Variants in GALM observed in about 807,000 individuals in gnomAD.
GALM encodes the protein aldose 1-epimerase.
GALM carries 43 observed loss-of-function variants against 37.4 expected under a neutral mutation model. That is an observed-to-expected ratio of 1.15 (90% CI 0.90 to 1.48). The LOEUF is 1.48. GALM is among the 40% of genes most tolerant of loss of function. The probability of loss-of-function intolerance (pLI) is 0.00; values close to 1 mark genes in which losing one functional copy is unlikely to be tolerated. For synonymous variants in GALM, 199 were observed against 170.6 expected, an observed-to-expected ratio of 1.17 and a Z score of -1.30; for missense variants, 456 against 419.1, an observed-to-expected ratio of 1.09 and a Z score of -0.77.
chr2:38,686,229 T>C (rs867440625), intron 3 of GALM, among the ~76,000 whole-genome samples: 1,119 of 18,264 alleles, frequency 0.061, 30 homozygotes, highest in East Asian at 0.17. Context: ...AATTTCTTTC[T>C]TTCTTTCTTT....
chr2:38,716,965 A>G (rs1489602310), intron 4 of GALM, among the ~76,000 whole-genome samples: 2 of 152,128 alleles, frequency 1.3e-5, no homozygotes, highest in Admixed American at 1.3e-4. Context: ...GATTTACGCT[A>G]TGGGGCCGGG....
At chr2:38,714,085 A>G (rs1666222400) in intron 4 of GALM, among the ~76,000 whole-genome samples, 1 of 152,212 alleles carries the variant, frequency 6.6e-6, no homozygotes, top group Non-Finnish European at 1.5e-5. Context: ...TGTAAGTATT[A>G]ACTATTATTA....
At chr2:38,732,736 C>G (rs1175129619) in intron 6 of GALM, among the ~76,000 whole-genome samples, 1 of 151,580 alleles carries the variant, frequency 6.6e-6, no homozygotes. Context: ...CTGGGCAACA[C>G]AGGGAGACCC....
chr2:38,711,810 C>T (rs796193382), intron 4 of GALM, among the ~76,000 whole-genome samples: 4 of 147,158 alleles, frequency 2.7e-5, no homozygotes, highest in Non-Finnish European at 3.0e-5. Context: ...CCATCACCAT[C>T]ATCATCATCA....
chr2:38,729,435 CA>C (rs1666553679), intron 4 of GALM, 120 bp from the exon 5 acceptor site: 1 of 671,500 alleles, frequency 1.5e-6, no homozygotes, highest in Admixed American at 3.2e-5. Context: ...TCTGGGCTCC[CA>C]TCTCCTTAAC....
At chr2:38,685,955 C>T (rs1277563621) in intron 3 of GALM, among the ~76,000 whole-genome samples, 4 of 151,918 alleles carry the variant, frequency 2.6e-5, no homozygotes, top group Non-Finnish European at 2.9e-5. Flanking sequence ...TGAAGTGATC[C>T]GCCCATCTCG....
At chr2:38,698,354 G>A (rs1434709756) in intron 4 of GALM, 1 of 1,303,056 alleles carries the variant, frequency 7.7e-7, no homozygotes, top group Non-Finnish European at 1.0e-6. Context: ...CTTCTTTCCT[G>A]TCCCATGGCA....
chr2:38,679,565 C>G (rs116288428), intron 2 of GALM, among the ~76,000 whole-genome samples: 63 of 152,268 alleles, frequency 4.1e-4, no homozygotes, highest in African/African-American at 1.3e-3. Context: ...TGTAAAGCAC[C>G]AGGTCATTGA....
intron 4 of GALM, among the ~76,000 whole-genome samples, chr2:38,698,911 GTTATTA>G (rs925775102): frequency 5.4e-5 from 8 of 149,310 alleles, no homozygotes; most frequent in African/African-American, 1.5e-4. Context: ...GTGTCCAGCT[GTTATTA>G]TTATTATTAT....
intron 2 of GALM, among the ~76,000 whole-genome samples, chr2:38,678,076 G>A (rs1665304158): frequency 6.6e-6 from 1 of 150,972 alleles, no homozygotes; most frequent in Non-Finnish European, 1.5e-5. Flanking sequence ...GAGTGCAATG[G>A]CGCCATCTCA....
chr2:38,696,733 A>C (rs1467630702), intron 4 of GALM, among the ~76,000 whole-genome samples: 1 of 149,674 alleles, frequency 6.7e-6, no homozygotes, highest in Non-Finnish European at 1.5e-5. Flanking sequence ...TAGCATCCCA[A>C]AGTGCTAGGA....
At chr2:38,671,188 T>C (rs142402322) in intron 1 of GALM, among the ~76,000 whole-genome samples, 221 of 152,358 alleles carry the variant, frequency 1.5e-3, no homozygotes, top group African/African-American at 4.9e-3. Flanking sequence ...AATAGTATTT[T>C]CTGCATTTCA....
At chr2:38,732,249 G>A (rs1419204588) in intron 6 of GALM, among the ~76,000 whole-genome samples, 4 of 152,120 alleles carry the variant, frequency 2.6e-5, no homozygotes, top group Non-Finnish European at 2.9e-5. Context: ...TAGAGACAGG[G>A]TTCCACCATG....
intron 4 of GALM, among the ~76,000 whole-genome samples, chr2:38,717,152 A>G (rs1319882371): frequency 6.6e-6 from 1 of 151,938 alleles, no homozygotes; most frequent in Non-Finnish European, 1.5e-5. Context: ...CGGTAGGCCG[A>G]GGCAGGAGAA....
At position 38,689,871 on chromosome 2, in the gene GALM, T is replaced by C. The variant is rs1271751717; in HGVS notation, c.611T>C (p.Val204Ala). 1 of 1,610,152 alleles carries C rather than the reference T, an allele frequency of 6.2e-7. No individual in the cohort carries two copies. Among genetic ancestry groups the C allele is most frequent in the Non-Finnish European group, 8.5e-7 (1 of 1,176,828 alleles). The change falls in exon 4 of 7, where the codon GTG becomes GCG. Residue 204 changes from valine to alanine, a missense_variant. Physicochemically the swap from Val to Ala is moderately conservative, Grantham distance 64. Transcript: ENST00000272252. The part of the protein sequence containing the change: ...VTIEADTYLP[V>A]DETLIPTGEV... ...ATAGAAGCGGATACTTATTTGCCTG[T>C]GGATGAAACCCTGATTCCTACAGGT...
chr2:38,731,680 C>T lies in GALM; in HGVS notation c.777-55C>T, dbSNP rs573203145. 18 of 1,403,798 alleles carry T rather than the reference C, an allele frequency of 1.3e-5. No homozygotes were observed. In the African/African-American group the frequency reaches 1.4e-4, roughly 11 times the overall value. The allele number at this position is 1,403,798 out of a possible 1,614,324, so 87.0% of individuals were successfully genotyped here. On this transcript the variant is annotated intron_variant, in intron 5 of 6. Transcript: ENST00000272252. ...TCTCAAAGCCGCTTCCCAGCTTCTA[C>T]TCCTCCCCACCTGCTTTTCTGCCCT...
rs1458209172 is a variant in GALM at position 38,703,678 on chromosome 2, A to T, written c.634+13784A>T. ...GGGTTCTTGTATGTCTGGGAAGATGATGAAAGAACTTCAAGGGGATCATGA... is the reference window on the plus strand; with the variant it reads ...GGGTTCTTGTATGTCTGGGAAGATGTTGAAAGAACTTCAAGGGGATCATGA... On this transcript the variant is annotated intron_variant, in intron 4 of 6. Coordinates refer to ENST00000272252, the MANE Select transcript of GALM (RefSeq NM_138801.3). Among the ~76,000 whole-genome samples, 30 of 152,300 alleles carry T rather than the reference A, an allele frequency of 2.0e-4. No homozygotes were observed. The East Asian group carries it at 5.8e-3, about 29-fold the overall frequency.
In GALM at chr2:38,731,746, C is replaced by T. The variant is rs200427606; in HGVS notation, c.788C>T (p.Ala263Val). The T allele has an allele frequency of 1.7e-5, 27 of 1,613,634 alleles. No homozygotes were observed. Among genetic ancestry groups the T allele is most frequent in the Non-Finnish European group, 2.2e-5 (26 of 1,179,660 alleles). ...GTATTTCTTACCAGGGTGCATCATG[C>T]TGCAAGCGGGCGGGTACTAGAAGTA... ...EKHFCARVHHAASGRVLEVYT... is the reference protein window; with the variant it reads ...EKHFCARVHHVASGRVLEVYT... The change falls in exon 6 of 7, where the codon GCT (alanine) becomes GTT (valine). Residue 263 changes from alanine to valine, a missense_variant. Transcript: ENST00000272252.
chr2:38,713,592 T>C (rs994437871), intron 4 of GALM, among the ~76,000 whole-genome samples: 3 of 152,162 alleles, frequency 2.0e-5, no homozygotes, highest in Admixed American at 2.0e-4. Flanking sequence ...GTTTAGGGCA[T>C]GGTCTCAAGC....
Sources: gnomAD v4.1 joint callset for allele counts (sites outside exome capture counted in the v4.1 genomes callset) on GRCh38, gnomAD v4.1.1 for gene constraint, MANE v1.5 for transcripts, NCBI Gene and HGNC (gene_info 2026-07-23, HGNC 2026-07-21) for gene names.